The following SLC17A6 variants were observed in gnomAD, a reference collection of about 807,000 sequenced individuals.
The protein encoded by SLC17A6 is vesicular glutamate transporter 2.
SLC17A6 carries 35 observed loss-of-function variants against 67.1 expected under a neutral mutation model. The observed-to-expected ratio is 0.52, with a 90% CI of 0.40 to 0.69. The LOEUF (loss-of-function observed/expected upper bound fraction) is 0.69, where lower values mean the gene tolerates loss of function less well. SLC17A6 is among the 30% of genes least tolerant of loss of function. The pLI, the probability that SLC17A6 is intolerant of heterozygous loss-of-function variation, is 0.00. For missense variants in SLC17A6, 588 were observed against 723.9 expected, an observed-to-expected ratio of 0.81 and a Z score of 2.15; for synonymous variants, 285 against 252.3, an observed-to-expected ratio of 1.13 and a Z score of -1.23.
chr11:22,376,721 A>G lies in SLC17A6; in HGVS notation c.1413+49A>G, dbSNP rs185062664. On this transcript the variant is annotated intron_variant, in intron 11 of 11. Coordinates refer to ENST00000263160, the MANE Select transcript of SLC17A6 (RefSeq NM_020346.3). ...TAGTCATAGAAGACAGTTTCTCAAAATGATAATCTTTTTGGAAAAGAGTTA... is the reference window on the plus strand; with the variant it reads ...TAGTCATAGAAGACAGTTTCTCAAAGTGATAATCTTTTTGGAAAAGAGTTA... 2.1e-3 allele frequency: 3,363 copies of G among 1,600,526 alleles called. 8 individuals carry two copies. Among genetic ancestry groups the G allele is most frequent in the South Asian group, 5.1e-3 (462 of 90,274 alleles).
chr11:22,343,167 T>G, intron 2 of SLC17A6, 80 bp from the exon 3 acceptor site: 1 of 1,180,174 alleles, frequency 8.5e-7, no homozygotes, highest in Middle Eastern at 1.9e-4. Context: ...GGGGGCTTTT[T>G]GGCTTGTGAA....
intron 5 of SLC17A6, chr11:22,362,428 G>A: frequency 5.0e-6 from 2 of 401,908 alleles, no homozygotes; most frequent in Non-Finnish European, 9.4e-6. Flanking sequence ...GCCATACTCT[G>A]TCCCAAGTCC....
intron 8 of SLC17A6, among the ~76,000 whole-genome samples, chr11:22,371,814 C>T (rs1856178090): frequency 6.6e-6 from 1 of 151,818 alleles, no homozygotes; most frequent in Non-Finnish European, 1.5e-5. Context: ...ACAGATTGGT[C>T]TTCAGATACT....
At chr11:22,363,656 A>G (rs1169686108) in intron 6 of SLC17A6, among the ~76,000 whole-genome samples, 1 of 152,240 alleles carries the variant, frequency 6.6e-6, no homozygotes, top group Non-Finnish European at 1.5e-5. Context: ...ACAAATTATT[A>G]TGCTTGTAGA....
intron 3 of SLC17A6, among the ~76,000 whole-genome samples, chr11:22,353,929 C>G (rs574596026): frequency 6.6e-6 from 1 of 152,106 alleles, no homozygotes; most frequent in Non-Finnish European, 1.5e-5. Flanking sequence ...ACTAGAATAA[C>G]CTGGGAACTG....
chr11:22,355,194 T>C (rs1855982787), intron 3 of SLC17A6, among the ~76,000 whole-genome samples: 1 of 152,202 alleles, frequency 6.6e-6, no homozygotes, highest in Non-Finnish European at 1.5e-5. Flanking sequence ...CAGTAATAAG[T>C]GTCAGATGAA....
chr11:22,369,892 G>T (rs1432857164), intron 7 of SLC17A6, 147 bp from the exon 8 acceptor site: 1 of 633,598 alleles, frequency 1.6e-6, no homozygotes, highest in African/African-American at 1.9e-5. Flanking sequence ...GGTTAACTGG[G>T]TGGTTATAAT....
intron 4 of SLC17A6, 24 bp from the exon 5 acceptor site, chr11:22,360,861 AATGGTGACAGTG>A: frequency 6.4e-7 from 1 of 1,571,654 alleles, no homozygotes; most frequent in South Asian, 1.1e-5. Context: ...CTTGATCCTA[AATGGTGACAGTG>A]ATGAGTATCT....
chr11:22,346,960 T>C (rs2133861208), intron 3 of SLC17A6, among the ~76,000 whole-genome samples: 1 of 151,652 alleles, frequency 6.6e-6, no homozygotes, highest in South Asian at 2.1e-4. Context: ...CACAAAACTG[T>C]TTTGCCTTTA....
chr11:22,343,444 C>A, intron 3 of SLC17A6, 79 bp downstream of exon 3: 2 of 1,271,900 alleles, frequency 1.6e-6, no homozygotes, highest in Non-Finnish European at 2.2e-6. Context: ...GGAGCAGAGA[C>A]AACAGCCCAG....
rs758353870 is a variant in SLC17A6 at position 22,365,705 on chromosome 11, T to C, written c.891+16T>C. ...TGCAATGGAAGTAAGAAATTTATTA[T>C]GGTGTATATTCCTATCTTATTCCCA... is the stretch of plus-strand genomic sequence containing the variant. On this transcript the variant is annotated intron_variant, in intron 7 of 11. Transcript: ENST00000263160. 2 of 1,611,644 alleles carry C rather than the reference T, an allele frequency of 1.2e-6. No homozygotes were observed. The highest frequency in any genetic ancestry group is 1.1e-5 in the South Asian group (1 of 90,820).
At chr11:22,376,702 T>G in intron 11 of SLC17A6, 30 bp downstream of exon 11, 1 of 1,609,748 alleles carries the variant, frequency 6.2e-7, no homozygotes, top group South Asian at 1.1e-5. Context: ...TGTTTAGTCA[T>G]AGAAGACAGT....
At chr11:22,366,676 A>G (rs1347246402) in intron 7 of SLC17A6, among the ~76,000 whole-genome samples, 2 of 152,192 alleles carry the variant, frequency 1.3e-5, no homozygotes, top group Non-Finnish European at 2.9e-5. Context: ...AGTAATTAAT[A>G]CAAAAGCCAC....
chr11:22,340,762 GA>G lies in SLC17A6; in HGVS notation c.87-756del, dbSNP rs142943026. Among the ~76,000 whole-genome samples the G allele has an allele frequency of 2.3e-3, 337 of 149,492 alleles. 1 individual carries two copies. The highest frequency in any genetic ancestry group is 6.7e-3 in the Admixed American group (100 of 15,024). On this transcript the variant is annotated intron_variant, in intron 1 of 11. Coordinates refer to ENST00000263160, the MANE Select transcript of SLC17A6 (RefSeq NM_020346.3). ...CCTTTGTCTCCAACTCGAGTAATAA[GA>G]AAAAAAAAATAGTAAGAAGTGTAAC...
intron 3 of SLC17A6, among the ~76,000 whole-genome samples, chr11:22,355,040 G>A (rs1306288844): frequency 6.6e-6 from 1 of 152,142 alleles, no homozygotes; most frequent in East Asian, 1.9e-4. Flanking sequence ...TATCATGCAA[G>A]TTCCAACATT....
rs1212676358 is a variant in SLC17A6 at position 22,377,884 on chromosome 11, T to C, written c.*144T>C. The C allele has an allele frequency of 9.1e-6, 6 of 657,138 alleles. No individual in the cohort carries two copies. In the Admixed American group the frequency reaches 1.9e-4, roughly 21 times the overall value. 40.7% of individuals were successfully genotyped at this position (657,138 alleles called of 1,614,324 possible). On this transcript the variant is annotated 3_prime_UTR_variant, in exon 12 of 12. Coordinates refer to ENST00000263160, the MANE Select transcript of SLC17A6 (RefSeq NM_020346.3). ...TAAAAATGAAAACAAAACAAACCCA[T>C]GAGGTTACCATCAAGTGCAATCTGT...
chr11:22,366,060 G>C (rs1856108477), intron 7 of SLC17A6, among the ~76,000 whole-genome samples: 1 of 152,006 alleles, frequency 6.6e-6, no homozygotes, highest in Non-Finnish European at 1.5e-5. Flanking sequence ...TTGGTTTGTT[G>C]AATACAGTAG....
intron 7 of SLC17A6, among the ~76,000 whole-genome samples, chr11:22,368,360 T>C (rs1226416115): frequency 6.6e-6 from 1 of 152,058 alleles, no homozygotes; most frequent in Non-Finnish European, 1.5e-5. Flanking sequence ...TCTGTTTTTC[T>C]TTAAAATATA....
rs750666032 is a variant in SLC17A6, at chr11:22,365,703, T to A, written c.891+14T>A. On this transcript the variant is annotated intron_variant, in intron 7 of 11. Coordinates refer to ENST00000263160, the MANE Select transcript of SLC17A6 (RefSeq NM_020346.3). ...GGTGCAATGGAAGTAAGAAATTTAT[T>A]ATGGTGTATATTCCTATCTTATTCC... 2 of 1,611,828 alleles carry A rather than the reference T, an allele frequency of 1.2e-6. No individual in the cohort carries two copies. Among genetic ancestry groups the A allele is most frequent in the East Asian group, 4.5e-5 (2 of 44,816 alleles).
Sources: gnomAD v4.1 joint callset for allele counts (sites outside exome capture counted in the v4.1 genomes callset) on GRCh38, gnomAD v4.1.1 for gene constraint, MANE v1.5 for transcripts, NCBI Gene and HGNC (gene_info 2026-07-23, HGNC 2026-07-21) for gene names.